Variants in MACF1 observed in about 807,000 individuals in gnomAD.
MACF1 encodes microtubule-actin cross-linking factor 1.
Under a neutral mutation model 854.8 loss-of-function variants are expected in MACF1, and 193 were observed. The observed-to-expected ratio is 0.23, with a 90% CI of 0.20 to 0.25. MACF1 has a LOEUF of 0.25. Among genes scored for constraint, MACF1 ranks in the 10% least tolerant of loss-of-function variants. The pLI, the probability that MACF1 is intolerant of heterozygous loss-of-function variation, is 1.00. For synonymous variants in MACF1, 3,185 were observed against 3,226.7 expected (o/e 0.99, Z 0.44); for missense variants, 7,722 against 8,929.1 (o/e 0.86, Z 5.45).
chr1:39,448,816 G>T, intron 84 of MACF1, 53 bp downstream of exon 84: 1 of 1,404,064 alleles, frequency 7.1e-7, no homozygotes, highest in Non-Finnish European at 9.5e-7. Flanking sequence ...AAAGCAAGAG[G>T]TTCTTACCAG....
Position 39,334,932 on chromosome 1 carries a change from T to C in MACF1, c.8344T>C (p.Cys2782Arg), listed in dbSNP as rs1209225128. ...TGAAAAGCAAGAAGGGATTGAAGTG[T>C]GTGCATTACAAAATGAATTTCTAGG... Reference protein sequence around the residue: ...QIEKQEGIEVCALQNEFLGKD... With the variant: ...QIEKQEGIEVRALQNEFLGKD... The change falls in exon 37 of 101, where the codon TGT becomes CGT. Residue 2782 changes from cysteine to arginine, a missense_variant. Cys to Arg is a radical substitution (Grantham distance 180). Coordinates refer to ENST00000564288, the MANE Select transcript of MACF1 (RefSeq NM_001394062.1). 2 of 1,614,194 alleles carry C rather than the reference T, an allele frequency of 1.2e-6. No homozygotes were observed. The highest frequency in any genetic ancestry group is 1.7e-6 in the Non-Finnish European group (2 of 1,180,016).
chr1:39,169,189 A>G (rs1325320890), intron 2 of MACF1, among the ~76,000 whole-genome samples: 5 of 152,176 alleles, frequency 3.3e-5, no homozygotes, highest in African/African-American at 1.2e-4. Context: ...TACCTGAATT[A>G]CAGCAACCGC....
At chr1:39,341,434 A>G (rs1274275600) in intron 40 of MACF1, among the ~76,000 whole-genome samples, 4 of 149,972 alleles carry the variant, frequency 2.7e-5, no homozygotes, top group African/African-American at 9.8e-5. Context: ...GGCAGCTCAC[A>G]CCTGTAATAC....
chr1:39,451,273 G>A (rs1644336586), intron 85 of MACF1, 62 bp downstream of exon 85: 1 of 1,497,806 alleles, frequency 6.7e-7, no homozygotes, highest in Non-Finnish European at 9.0e-7. Context: ...ACTGCCTAGG[G>A]TCTTCTACAT....
At chr1:39,417,317 A>G (rs1436011367) in intron 58 of MACF1, among the ~76,000 whole-genome samples, 1 of 152,148 alleles carries the variant, frequency 6.6e-6, no homozygotes, top group Non-Finnish European at 1.5e-5. Context: ...AGACCTCTTC[A>G]GTCTTAATCC....
intron 2 of MACF1, among the ~76,000 whole-genome samples, chr1:39,108,359 T>C (rs1456925101): frequency 2.3e-4 from 35 of 152,092 alleles, no homozygotes. Context: ...CCTTGGTTAT[T>C]CCATCTAGTA....
At chr1:39,482,608 C>T (rs1307612409) in intron 99 of MACF1, among the ~76,000 whole-genome samples, 1 of 151,784 alleles carries the variant, frequency 6.6e-6, no homozygotes, top group African/African-American at 2.4e-5. Context: ...TCAGCCTGGT[C>T]AACATGGCAA....
chr1:39,343,506 A>C (rs1646980697), intron 40 of MACF1, among the ~76,000 whole-genome samples: 1 of 152,240 alleles, frequency 6.6e-6, no homozygotes, highest in African/African-American at 2.4e-5. Context: ...GCATGAAAAA[A>C]ATTACCATGA....
chr1:39,120,387 G>A (rs1642669678), intron 2 of MACF1, among the ~76,000 whole-genome samples: 2 of 151,942 alleles, frequency 1.3e-5, no homozygotes, highest in Admixed American at 1.3e-4. Flanking sequence ...ACAAGAGTGA[G>A]ACTGAGTCTC....
intron 2 of MACF1, among the ~76,000 whole-genome samples, chr1:39,190,385 G>T (rs1366367703): frequency 9.2e-6 from 1 of 108,654 alleles, no homozygotes; most frequent in African/African-American, 3.2e-5. Flanking sequence ...GTGTGTGTGT[G>T]TGTGTGTTTG....
At chr1:39,140,674 T>C (rs774377983) in intron 2 of MACF1, among the ~76,000 whole-genome samples, 2 of 152,064 alleles carry the variant, frequency 1.3e-5, no homozygotes, top group Non-Finnish European at 2.9e-5. Flanking sequence ...CCCTGCACTT[T>C]GGGAGGCTGA....
intron 38 of MACF1, among the ~76,000 whole-genome samples, chr1:39,337,838 C>T (rs1288565942): frequency 2.0e-5 from 3 of 151,146 alleles, no homozygotes; most frequent in Non-Finnish European, 4.4e-5. Context: ...GGCGTGATCT[C>T]GGCTCACTGC....
chr1:39,283,127 G>C lies in MACF1; in HGVS notation c.696-62G>C, dbSNP rs1037727636. 3.8e-6 allele frequency: 4 copies of C among 1,047,770 alleles called. No homozygotes were observed. Among genetic ancestry groups the C allele is most frequent in the African/African-American group, 1.6e-5 (1 of 64,072 alleles). The allele number at this position is 1,047,770 out of a possible 1,614,324, so 64.9% of individuals were successfully genotyped here. A position where few individuals can be genotyped will look rare whatever the true frequency, so the allele number is the denominator to read the frequency against. ...TGGGAACTTTCAGGAGGTTTTCTTT[G>C]TGTAAACTCATGTGTGATGTGTAGA... On this transcript the variant is annotated intron_variant, in intron 7 of 100. Transcript: ENST00000564288. This position sits in a 1 kb window ranked among gnomAD's most constrained non-coding sequence, Gnocchi z 4.5.
intron 2 of MACF1, among the ~76,000 whole-genome samples, chr1:39,095,859 G>A (rs562585364): frequency 6.3e-4 from 95 of 151,388 alleles, no homozygotes; most frequent in African/African-American, 2.1e-3. Flanking sequence ...AGGCAACAGA[G>A]TGAGATGGCT....
chr1:39,476,906 C>G (rs1312317980), intron 97 of MACF1, among the ~76,000 whole-genome samples: 1 of 150,786 alleles, frequency 6.6e-6, no homozygotes, highest in East Asian at 2.0e-4. Flanking sequence ...GAAACACTGT[C>G]CTCCCCGGCT....
chr1:39,333,285 A>G lies in MACF1; in HGVS notation c.6697A>G (p.Thr2233Ala), dbSNP rs756620979. 1.9e-6 allele frequency: 3 copies of G among 1,613,992 alleles called. No individual in the cohort carries two copies. The highest frequency in any genetic ancestry group is 2.5e-6 in the Non-Finnish European group (3 of 1,180,036). ...PLDKKEMLKK[T>A]FLAKDDHKES... ...GGACAAAAAGGAAATGTTAAAGAAA[A>G]CATTTCTGGCTAAGGATGACCATAA... The change falls in exon 37 of 101, where the codon ACA becomes GCA. Residue 2233 changes from threonine (T) to alanine (A), a missense_variant. Physicochemically the swap from Thr to Ala is moderately conservative, Grantham distance 58. Coordinates refer to ENST00000564288, the MANE Select transcript of MACF1 (RefSeq NM_001394062.1).
chr1:39,415,334 AT>A lies in MACF1; in HGVS notation c.15817-7028del, dbSNP rs900085763. On this transcript the variant is annotated intron_variant, in intron 58 of 100. Transcript: ENST00000564288. ...CTCTCTTGGCTCTAAGATTCTTTTT[AT>A]TTTTTTTTTTTAGATGGAGTCTGGC... is the stretch of plus-strand genomic sequence containing the variant. 6.4e-3 allele frequency among the ~76,000 whole-genome samples: 905 copies of A among 142,138 alleles called. 5 individuals carry two copies. Among genetic ancestry groups the A allele is most frequent in the African/African-American group, 0.019 (732 of 39,012 alleles). The allele number at this position is 142,138 out of a possible 152,430, so 93.2% of individuals were successfully genotyped here.
rs897385839 is a variant in MACF1, at chr1:39,309,831, G to A, written c.2916+135G>A. ...ACTCAGGAATACCATTTTAGAGTTC[G>A]AGACCTGAGGTTCTTACAAGCTAGA... On this transcript the variant is annotated intron_variant, in intron 24 of 100. Coordinates refer to ENST00000564288, the MANE Select transcript of MACF1 (RefSeq NM_001394062.1). The A allele has an allele frequency of 4.9e-5, 42 of 860,808 alleles. 1 individual carries two copies. Among genetic ancestry groups the A allele is most frequent in the South Asian group, 1.2e-4 (6 of 51,524 alleles). 53.3% of individuals were successfully genotyped at this position (860,808 alleles called of 1,614,324 possible). A position where few individuals can be genotyped will look rare whatever the true frequency, so the allele number is the denominator to read the frequency against.
chr1:39,484,650 A>T lies in MACF1; in HGVS notation c.22331A>T (p.His7444Leu). The T allele has an allele frequency of 6.2e-7, 1 of 1,614,062 alleles. No homozygotes were observed. The highest frequency in any genetic ancestry group is 8.5e-7 in the Non-Finnish European group (1 of 1,179,960). Residue 7444 changes from histidine (H) to leucine (L), a missense_variant, in exon 100 of 101, where the codon CAT becomes CTT. Physicochemically the swap from His to Leu is moderately conservative, Grantham distance 99 (BLOSUM62 -3). This residue lies in a region of MACF1 where 185 missense variants were observed against 225.7 expected (regional missense o/e 0.82). Coordinates refer to ENST00000564288, the MANE Select transcript of MACF1 (RefSeq NM_001394062.1). Reference protein sequence around the residue: ...SKLKRPTPTFHSSRTSLAGDT... With the variant: ...SKLKRPTPTFLSSRTSLAGDT... ...TTGAAACGACCAACACCAACTTTTC[A>T]TTCTAGTCGGACATCCCTTGCTGGT...
Sources: allele counts gnomAD v4.1 joint callset (sites outside exome capture counted in the v4.1 genomes callset), GRCh38; gene constraint gnomAD v4.1.1; regional missense constraint gnomAD v4.1.1; non-coding constraint Gnocchi (gnomAD v3.1); transcripts MANE v1.5; gene names NCBI Gene and HGNC (gene_info 2026-07-23, HGNC 2026-07-21).